SENP7: variants seen among roughly 807,000 people sequenced by gnomAD.
SENP7 encodes SUMO specific peptidase 7.
SENP7 carries 64 observed loss-of-function variants against 141.2 expected under a neutral mutation model. The observed-to-expected ratio is 0.45, with a 90% CI of 0.37 to 0.56. SENP7 has a LOEUF of 0.56. SENP7 is among the 20% of genes least tolerant of loss of function. The pLI is 0.00. For synonymous variants in SENP7, 382 were observed against 426.4 expected (o/e 0.90, Z 1.28); for missense variants, 1,025 against 1,212.2 (o/e 0.85, Z 2.29).
chr3:101,433,686 A>G (rs1325133692), intron 4 of SENP7, among the ~76,000 whole-genome samples: 1 of 152,208 alleles, frequency 6.6e-6, no homozygotes, highest in Non-Finnish European at 1.5e-5. Context: ...GTCACTATAT[A>G]ATGATAAAGA....
intron 1 of SENP7, among the ~76,000 whole-genome samples, chr3:101,506,068 T>G (rs1243387889): frequency 2.7e-5 from 4 of 145,902 alleles, no homozygotes; most frequent in Non-Finnish European, 6.0e-5. Context: ...TCACCCACGC[T>G]GGAGTGCAGT....
In SENP7 at chr3:101,481,750, T is replaced by C. The variant is rs150911633; in HGVS notation, c.186+12123A>G. Among the ~76,000 whole-genome samples the C allele has an allele frequency of 9.7e-4, 148 of 152,304 alleles. 1 individual carries two copies. The Middle Eastern group carries it at 0.017, about 18-fold the overall frequency. On this transcript the variant is annotated intron_variant, in intron 3 of 23. Coordinates refer to ENST00000394095, the MANE Select transcript of SENP7 (RefSeq NM_020654.5). The stretch of plus-strand genomic sequence containing the variant: ...TCTTCACATGTAACAAAATATCACA[T>C]GTATGCCATAAATATATACAAATAT...
intron 6 of SENP7, among the ~76,000 whole-genome samples, chr3:101,390,418 T>C (rs748537995): frequency 6.6e-6 from 1 of 152,006 alleles, no homozygotes; most frequent in Non-Finnish European, 1.5e-5. Context: ...CATCAAACTT[T>C]AAGACTGCTT....
chr3:101,418,444 G>A (rs1424154611), intron 4 of SENP7, among the ~76,000 whole-genome samples: 1 of 151,944 alleles, frequency 6.6e-6, no homozygotes, highest in Non-Finnish European at 1.5e-5. Flanking sequence ...GTTTAGTTCT[G>A]GAATTCCAAA....
At chr3:101,336,427 T>C (rs1349892676) in intron 17 of SENP7, among the ~76,000 whole-genome samples, 1 of 152,184 alleles carries the variant, frequency 6.6e-6, no homozygotes, top group Non-Finnish European at 1.5e-5. Flanking sequence ...AACTTTGGAC[T>C]AGAAGTTAAA....
Position 101,398,995 on chromosome 3 carries a change from C to T in SENP7, c.543G>A (p.Arg181=), listed in dbSNP as rs763120795. Reference sequence around the variant, plus strand: ...AACTTCCCTCAGTTACAGGTGGGGTCCTTATGTATTTTCTTCCTAACTCCG... The same window carrying T: ...AACTTCCCTCAGTTACAGGTGGGGTTCTTATGTATTTTCTTCCTAACTCCG... ...LGTELGRKYI[R]TPPVTEGSLS... Residue 181 remains arginine (R), a synonymous_variant, in exon 6 of 24, where the codon AGG becomes AGA. Coordinates refer to ENST00000394095, the MANE Select transcript of SENP7 (RefSeq NM_020654.5). 1 of 1,613,444 alleles carries T rather than the reference C, an allele frequency of 6.2e-7. No individual in the cohort carries two copies. The highest frequency in any genetic ancestry group is 1.3e-5 in the African/African-American group (1 of 74,972).
At chr3:101,383,680 T>C (rs369816339) in intron 6 of SENP7, among the ~76,000 whole-genome samples, 1 of 152,186 alleles carries the variant, frequency 6.6e-6, no homozygotes, top group African/African-American at 2.4e-5. Flanking sequence ...GCCAGCCCCC[T>C]GCCACCTCAG....
intron 3 of SENP7, among the ~76,000 whole-genome samples, chr3:101,466,506 T>C (rs903846040): frequency 6.6e-6 from 1 of 152,114 alleles, no homozygotes; most frequent in Non-Finnish European, 1.5e-5. Context: ...CACAAACCTA[T>C]CCTTCAAAAA....
At chr3:101,456,040 C>G (rs1043675321) in intron 4 of SENP7, among the ~76,000 whole-genome samples, 1 of 152,100 alleles carries the variant, frequency 6.6e-6, no homozygotes, top group African/African-American at 2.4e-5. Context: ...AACAGAGATA[C>G]TTTTTTAAAT....
chr3:101,510,913 C>G (rs2065831323), intron 1 of SENP7, among the ~76,000 whole-genome samples: 1 of 148,314 alleles, frequency 6.7e-6, no homozygotes, highest in African/African-American at 2.5e-5. Flanking sequence ...GAAATGGCAA[C>G]TGCATGCCTA....
intron 4 of SENP7, among the ~76,000 whole-genome samples, chr3:101,450,017 G>C (rs1181111091): frequency 1.3e-5 from 2 of 152,116 alleles, no homozygotes; most frequent in Admixed American, 6.5e-5. Flanking sequence ...GATGGAGGAA[G>C]ATCTACCAAG....
At chr3:101,441,435 C>T (rs2062668020) in intron 4 of SENP7, among the ~76,000 whole-genome samples, 2 of 152,142 alleles carry the variant, frequency 1.3e-5, no homozygotes, top group Admixed American at 6.5e-5. Flanking sequence ...CCAGGACCTG[C>T]CCGCACAATA....
chr3:101,483,208 G>A (rs1174460086), intron 3 of SENP7, among the ~76,000 whole-genome samples: 8 of 152,028 alleles, frequency 5.3e-5, no homozygotes, highest in Non-Finnish European at 1.0e-4. Context: ...GCCCATCAGT[G>A]GTGGACTGGA....
chr3:101,392,359 G>T (rs2060840118), intron 6 of SENP7, among the ~76,000 whole-genome samples: 1 of 152,102 alleles, frequency 6.6e-6, no homozygotes, highest in South Asian at 2.1e-4. Flanking sequence ...CATTAAAATT[G>T]CAGGACACTG....
chr3:101,442,595 T>C (rs1300253008), intron 4 of SENP7, among the ~76,000 whole-genome samples: 2 of 151,330 alleles, frequency 1.3e-5, no homozygotes, highest in African/African-American at 2.4e-5. Flanking sequence ...GGGATCCCAA[T>C]CTAAGGAAAC....
intron 1 of SENP7, among the ~76,000 whole-genome samples, chr3:101,501,782 T>TA (rs1452596603): frequency 2.0e-5 from 3 of 152,142 alleles, no homozygotes; most frequent in African/African-American, 7.2e-5. Context: ...TCCTGGAACT[T>TA]AGAGTCTACT....
intron 4 of SENP7, among the ~76,000 whole-genome samples, chr3:101,448,460 G>A (rs959424422): frequency 2.6e-5 from 4 of 152,162 alleles, no homozygotes; most frequent in Non-Finnish European, 4.4e-5. Flanking sequence ...ACATACAAAC[G>A]ACGAATTAGC....
intron 4 of SENP7, 49 bp downstream of exon 4, chr3:101,458,906 C>CTAT: frequency 2.7e-6 from 3 of 1,107,424 alleles, no homozygotes; most frequent in Non-Finnish European, 4.0e-6. Flanking sequence ...CATTTATGGT[C>CTAT]AACTTTATAG....
At chr3:101,336,269 C>G (rs1003841638) in intron 17 of SENP7, among the ~76,000 whole-genome samples, 2 of 152,154 alleles carry the variant, frequency 1.3e-5, no homozygotes, top group African/African-American at 2.4e-5. Context: ...ATTAGTGTCC[C>G]TATTCCTACC....
Sources: gnomAD v4.1 joint callset for allele counts (sites outside exome capture counted in the v4.1 genomes callset) on GRCh38, gnomAD v4.1.1 for gene constraint, MANE v1.5 for transcripts, NCBI Gene and HGNC (gene_info 2026-07-23, HGNC 2026-07-21) for gene names.